Variants in LHFPL3 observed in about 807,000 individuals in gnomAD.
The protein encoded by LHFPL3 is LHFPL tetraspan subfamily member 3.
In LHFPL3, 5 loss-of-function variants were observed where a neutral mutation model predicts 19.3. The ratio of observed to expected loss-of-function variants is 0.26; its 90% CI spans 0.14 to 0.54. The LOEUF (loss-of-function observed/expected upper bound fraction) is 0.54. Among genes scored for constraint, LHFPL3 ranks in the 20% least tolerant of loss-of-function variants. LHFPL3 has a pLI of 0.94. For missense variants in LHFPL3, 249 were observed against 307.4 expected, an observed-to-expected ratio of 0.81 and a Z score of 1.42; for synonymous variants, 133 against 126.2, an observed-to-expected ratio of 1.05 and a Z score of -0.36.
At chr7:104,548,432 T>C (rs1277912067) in intron 1 of LHFPL3, among the ~76,000 whole-genome samples, 1 of 152,198 alleles carries the variant, frequency 6.6e-6, no homozygotes, top group African/African-American at 2.4e-5. Context: ...TTCTTACACA[T>C]TCTAGATGAT....
rs140976234 is a variant in LHFPL3 at position 104,692,236 on chromosome 7, T to C, written c.446-44439T>C. On this transcript the variant is annotated intron_variant, in intron 1 of 2. Transcript: ENST00000424859. ...TTAAAAGGGAAGCAGAGCATAAAAG[T>C]TCAGAAAATTTGCAGGCTGATGATG... is the stretch of plus-strand genomic sequence containing the variant. Among the ~76,000 whole-genome samples the C allele has an allele frequency of 2.8e-3, 434 of 152,328 alleles. 1 individual carries two copies. The highest frequency in any genetic ancestry group is 1.0e-2 in the African/African-American group (415 of 41,566).
At chr7:104,425,030 T>G in intron 1 of LHFPL3, among the ~76,000 whole-genome samples, 1 of 138,378 alleles carries the variant, frequency 7.2e-6, no homozygotes, top group Non-Finnish European at 1.5e-5. Flanking sequence ...AAAATGTCAG[T>G]TGTGTTGAGG....
chr7:104,788,709 A>G (rs747627480), intron 2 of LHFPL3, among the ~76,000 whole-genome samples: 1 of 152,160 alleles, frequency 6.6e-6, no homozygotes, highest in Non-Finnish European at 1.5e-5. Context: ...AAAATGCTAC[A>G]TCAACAATTG....
At chr7:104,483,474 T>C (rs886865590) in intron 1 of LHFPL3, among the ~76,000 whole-genome samples, 2 of 152,230 alleles carry the variant, frequency 1.3e-5, no homozygotes, top group Admixed American at 1.3e-4. Flanking sequence ...ATTTTTACTG[T>C]TTGTCTCAAG....
chr7:104,724,906 C>G (rs563277865), intron 1 of LHFPL3, among the ~76,000 whole-genome samples: 1 of 152,296 alleles, frequency 6.6e-6, no homozygotes, highest in African/African-American at 2.4e-5. Flanking sequence ...TCTCCAGGAG[C>G]CCAAAACCCT....
intron 1 of LHFPL3, among the ~76,000 whole-genome samples, chr7:104,403,528 T>G (rs1487105958): frequency 6.6e-6 from 1 of 152,236 alleles, no homozygotes; most frequent in Non-Finnish European, 1.5e-5. Context: ...GATGGAGCCA[T>G]TCAACTCTTC....
chr7:104,645,818 A>C (rs1016925107), intron 1 of LHFPL3, among the ~76,000 whole-genome samples: 3 of 150,696 alleles, frequency 2.0e-5, no homozygotes, highest in African/African-American at 7.3e-5. Context: ...CCGCCACCAC[A>C]CCTGGCTAAT....
intron 1 of LHFPL3, among the ~76,000 whole-genome samples, chr7:104,547,559 T>A (rs1324049683): frequency 1.3e-5 from 2 of 152,080 alleles, no homozygotes; most frequent in Non-Finnish European, 2.9e-5. Context: ...AACTTTAATA[T>A]AAAAGCAGCT....
chr7:104,677,965 G>A (rs1156466752), intron 1 of LHFPL3, among the ~76,000 whole-genome samples: 1 of 152,178 alleles, frequency 6.6e-6, no homozygotes. Context: ...TGGCAGATAG[G>A]CCTGGAACAT....
chr7:104,385,021 G>A (rs1168260017), intron 1 of LHFPL3, among the ~76,000 whole-genome samples: 2 of 151,954 alleles, frequency 1.3e-5, no homozygotes, highest in African/African-American at 4.8e-5. Context: ...GAAGAAATTG[G>A]CCTCACGTTT....
chr7:104,513,718 A>G (rs1249418815), intron 1 of LHFPL3, among the ~76,000 whole-genome samples: 1 of 152,210 alleles, frequency 6.6e-6, no homozygotes, highest in Non-Finnish European at 1.5e-5. Flanking sequence ...TTGGCTGTAC[A>G]TCAGGGGAGC....
At chr7:104,406,995 G>C (rs530302550) in intron 1 of LHFPL3, among the ~76,000 whole-genome samples, 3 of 152,310 alleles carry the variant, frequency 2.0e-5, no homozygotes, top group African/African-American at 7.2e-5. Context: ...CCACTTACCA[G>C]CTACTTGATT....
At chr7:104,587,729 CCCA>C (rs2115608424) in intron 1 of LHFPL3, among the ~76,000 whole-genome samples, 1 of 151,934 alleles carries the variant, frequency 6.6e-6, no homozygotes, top group Non-Finnish European at 1.5e-5. Flanking sequence ...AGTTTACAGT[CCCA>C]CCAACAGTGT....
chr7:104,427,716 G>A (rs1562894165), intron 1 of LHFPL3, among the ~76,000 whole-genome samples: 2 of 152,210 alleles, frequency 1.3e-5, no homozygotes, highest in African/African-American at 2.4e-5. Context: ...TTGGGGTTAT[G>A]AGCAGACCAG....
At chr7:104,866,619 T>C (rs1791728053) in intron 2 of LHFPL3, among the ~76,000 whole-genome samples, 1 of 152,042 alleles carries the variant, frequency 6.6e-6, no homozygotes, top group Non-Finnish European at 1.5e-5. Flanking sequence ...TCCCACACAA[T>C]AATAATGGGA....
At chr7:104,412,262 A>T (rs768818628) in intron 1 of LHFPL3, among the ~76,000 whole-genome samples, 1 of 152,046 alleles carries the variant, frequency 6.6e-6, no homozygotes, top group Non-Finnish European at 1.5e-5. Flanking sequence ...CATTTTTCAG[A>T]TGAGGAGGCT....
chr7:104,557,039 ATAT>A (rs1244906682), intron 1 of LHFPL3, among the ~76,000 whole-genome samples: 3 of 152,194 alleles, frequency 2.0e-5, no homozygotes, highest in Non-Finnish European at 4.4e-5. Flanking sequence ...GTCATTGTCC[ATAT>A]TATTATCAAC....
intron 2 of LHFPL3, among the ~76,000 whole-genome samples, chr7:104,842,265 C>T (rs1791228714): frequency 7.1e-6 from 1 of 141,220 alleles, no homozygotes; most frequent in Non-Finnish European, 1.5e-5. Flanking sequence ...GCATCAGCTC[C>T]TCCTCTAGCG....
chr7:104,874,242 T>C (rs1203910806), intron 2 of LHFPL3, among the ~76,000 whole-genome samples: 1 of 152,226 alleles, frequency 6.6e-6, no homozygotes, highest in Non-Finnish European at 1.5e-5. Context: ...CTGAAGAGCA[T>C]TTCCTCTTAG....
Sources: allele counts gnomAD v4.1 joint callset (sites outside exome capture counted in the v4.1 genomes callset), GRCh38; gene constraint gnomAD v4.1.1; transcripts MANE v1.5; gene names NCBI Gene and HGNC (gene_info 2026-07-23, HGNC 2026-07-21).